FOXN3: variants seen among roughly 807,000 people sequenced by gnomAD.
FOXN3 encodes the protein forkhead box N3.
Under a neutral mutation model 38.4 loss-of-function variants are expected in FOXN3, and 7 were observed. The ratio of observed to expected loss-of-function variants is 0.18; its 90% CI spans 0.10 to 0.34. The LOEUF (loss-of-function observed/expected upper bound fraction) is 0.34, where lower values mean the gene tolerates loss of function less well. FOXN3 is among the 10% of genes least tolerant of loss of function. The pLI, the probability that FOXN3 is intolerant of heterozygous loss-of-function variation, is 1.00. For synonymous variants in FOXN3, 230 were observed against 242.2 expected (o/e 0.95, Z 0.47); for missense variants, 456 against 613.4 (o/e 0.74, Z 2.71).
intron 2 of FOXN3, among the ~76,000 whole-genome samples, chr14:89,392,071 A>G (rs1890963701): frequency 6.6e-6 from 1 of 152,090 alleles, no homozygotes; most frequent in African/African-American, 2.4e-5. Context: ...AACCCAAACC[A>G]TCTGCCCCCT....
intron 2 of FOXN3, among the ~76,000 whole-genome samples, chr14:89,354,277 G>C (rs1462798500): frequency 6.6e-6 from 1 of 151,278 alleles, no homozygotes; most frequent in African/African-American, 2.4e-5. Flanking sequence ...GCCCAGGCTG[G>C]AGCGCAGTGG....
chr14:89,534,273 T>A (rs923008719), intron 1 of FOXN3, among the ~76,000 whole-genome samples: 1 of 151,612 alleles, frequency 6.6e-6, no homozygotes, highest in Non-Finnish European at 1.5e-5. Context: ...ACCCAGCTAG[T>A]TTTTATATTT....
intron 1 of FOXN3, among the ~76,000 whole-genome samples, chr14:89,535,221 T>A (rs536379379): frequency 6.9e-4 from 104 of 151,082 alleles, no homozygotes; most frequent in African/African-American, 2.4e-3. Flanking sequence ...TTTTTTTAAG[T>A]TAAGGTGAAA....
intron 1 of FOXN3, among the ~76,000 whole-genome samples, chr14:89,598,583 C>G (rs958833843): frequency 6.6e-6 from 1 of 152,296 alleles, no homozygotes; most frequent in East Asian, 1.9e-4. Context: ...CCATGCTCAG[C>G]CTCATGATAA....
chr14:89,564,529 G>A (rs1895310737), intron 1 of FOXN3, among the ~76,000 whole-genome samples: 1 of 152,144 alleles, frequency 6.6e-6, no homozygotes, highest in South Asian at 2.1e-4. Flanking sequence ...GACAGGAAAA[G>A]CATAAAGACA....
At chr14:89,470,234 A>G (rs1893065166) in intron 1 of FOXN3, among the ~76,000 whole-genome samples, 2 of 152,214 alleles carry the variant, frequency 1.3e-5, no homozygotes. Context: ...ATTAGAAAAC[A>G]AAACTGGCTA....
At chr14:89,427,972 CCT>C (rs1892075978) in intron 1 of FOXN3, among the ~76,000 whole-genome samples, 1 of 152,112 alleles carries the variant, frequency 6.6e-6, no homozygotes, top group South Asian at 2.1e-4. Flanking sequence ...TTATTGTTTT[CCT>C]CTCTTTAGTG....
intron 1 of FOXN3, among the ~76,000 whole-genome samples, chr14:89,474,281 T>C (rs1438455766): frequency 6.6e-6 from 1 of 152,160 alleles, no homozygotes; most frequent in African/African-American, 2.4e-5. Flanking sequence ...AATAAAGTGC[T>C]TGGAAATAAA....
At chr14:89,269,485 G>GTTTTTTTTTTT (rs56189442) in intron 4 of FOXN3, among the ~76,000 whole-genome samples, 1 of 148,212 alleles carries the variant, frequency 6.7e-6, no homozygotes, top group Non-Finnish European at 1.5e-5. Flanking sequence ...GTTTTGTTTT[G>GTTTTTTTTTTT]TTTTTTTTTT....
At chr14:89,354,518 C>T (rs1300907699) in intron 2 of FOXN3, among the ~76,000 whole-genome samples, 6 of 144,904 alleles carry the variant, frequency 4.1e-5, no homozygotes, top group Non-Finnish European at 9.0e-5. Flanking sequence ...TGAGCCACTG[C>T]GCCCGGCCGT....
chr14:89,412,909 C>T lies in FOXN3; in HGVS notation c.-14-419G>A, dbSNP rs957212042. ...AAGAAAAGCAAGTAACTTCAGGTAC[C>T]ACACAGAATACATGGGAATGTAAGA... On this transcript the variant is annotated intron_variant, in intron 1 of 5. Transcript: ENST00000557258. The surrounding 1 kb of genome is among the most constrained non-coding windows in gnomAD (Gnocchi z 4.7). 2.6e-5 allele frequency among the ~76,000 whole-genome samples: 4 copies of T among 152,028 alleles called. No individual in the cohort carries two copies. Among genetic ancestry groups the T allele is most frequent in the African/African-American group, 7.3e-5 (3 of 41,348 alleles).
intron 4 of FOXN3, among the ~76,000 whole-genome samples, chr14:89,218,013 C>G (rs1884341169): frequency 6.6e-6 from 1 of 152,228 alleles, no homozygotes; most frequent in African/African-American, 2.4e-5. Flanking sequence ...AATACTAATG[C>G]CATTAGAAAT....
chr14:89,462,841 C>T (rs555384728), intron 1 of FOXN3, among the ~76,000 whole-genome samples: 211 of 151,762 alleles, frequency 1.4e-3, no homozygotes, highest in South Asian at 8.1e-3. Flanking sequence ...CCCGCCACCA[C>T]GCCCAGCTAA....
chr14:89,434,385 A>C (rs1311770632), intron 1 of FOXN3, among the ~76,000 whole-genome samples: 1 of 151,186 alleles, frequency 6.6e-6, no homozygotes, highest in African/African-American at 2.4e-5. Flanking sequence ...CTGCCACCAC[A>C]CCCGGCTAAT....
chr14:89,303,073 C>T (rs1320254240), intron 3 of FOXN3, among the ~76,000 whole-genome samples: 2 of 152,172 alleles, frequency 1.3e-5, no homozygotes, highest in Non-Finnish European at 2.9e-5. Flanking sequence ...GTGCCACTTC[C>T]AGGTTCTTTA....
chr14:89,325,252 A>G (rs1888023327), intron 3 of FOXN3, among the ~76,000 whole-genome samples: 1 of 147,982 alleles, frequency 6.8e-6, no homozygotes, highest in Non-Finnish European at 1.5e-5. Flanking sequence ...CACCACGACC[A>G]CCACCACCAC....
chr14:89,446,087 C>CAAAAAAAAAAAAAAAAAAAAAAAAAAA (rs576883864), intron 1 of FOXN3, among the ~76,000 whole-genome samples: 1 of 40,110 alleles, frequency 2.5e-5, no homozygotes, highest in African/African-American at 8.5e-5. Context: ...GACCCTGCCT[C>CAAAAAAAAAAAAAAAAAAAAAAAAAAA]AAAAAAAAAA....
At position 89,190,516 on chromosome 14, in the gene FOXN3, C is replaced by T. The variant is rs1887914873; in HGVS notation, c.746-9710G>A. 4 of 1,342,512 alleles carry T rather than the reference C, an allele frequency of 3.0e-6. No individual in the cohort carries two copies. In the South Asian group the frequency reaches 5.0e-5, roughly 17 times the overall value. 83.2% of individuals were successfully genotyped at this position (1,342,512 alleles called of 1,614,324 possible). A position where few individuals can be genotyped will look rare whatever the true frequency, so the allele number is the denominator to read the frequency against. ...CCGGTGTGTGTGTGTGTTTTTCCCC[C>T]TGCAAGTTACAGTTTATGAATGCAA... On this transcript the variant is annotated intron_variant, in intron 4 of 5. Transcript: ENST00000557258.
At chr14:89,190,573 G>T in intron 4 of FOXN3, 1 of 683,520 alleles carries the variant, frequency 1.5e-6, no homozygotes, top group Non-Finnish European at 2.4e-6. Context: ...GCAACTGGAT[G>T]AGCTATCCCA....
Sources: gnomAD v4.1 joint callset for allele counts (sites outside exome capture counted in the v4.1 genomes callset) on GRCh38, gnomAD v4.1.1 for gene constraint, Gnocchi (gnomAD v3.1) non-coding constraint, MANE v1.5 for transcripts, NCBI Gene and HGNC (gene_info 2026-07-23, HGNC 2026-07-21) for gene names.